Variants in ATP8B2 observed in about 807,000 individuals in gnomAD.
The protein encoded by ATP8B2 is ATPase phospholipid transporting 8B2.
ATP8B2 carries 70 observed loss-of-function variants against 133.4 expected under a neutral mutation model. That is an observed-to-expected ratio of 0.52 (90% CI 0.43 to 0.64). The LOEUF is 0.64. Among genes scored for constraint, ATP8B2 ranks in the 30% least tolerant of loss-of-function variants. The pLI, the probability that ATP8B2 is intolerant of heterozygous loss-of-function variation, is 0.00. For synonymous variants in ATP8B2, 517 were observed against 589.5 expected (o/e 0.88, Z 1.78); for missense variants, 1,101 against 1,535.7 (o/e 0.72, Z 4.73).
At position 154,342,815 on chromosome 1, in the gene ATP8B2, T is replaced by G. The variant is rs1445373663; in HGVS notation, c.1307T>G (p.Phe436Cys). ...TTTCAGAGGCCTGAACCTGTTGACT[T>G]CTCCTTCAATCCTCTGGCTGACAAG... ...ELGERPEPVD[F>C]SFNPLADKKF... The change falls in exon 15 of 28, where the codon TTC becomes TGC. Residue 436 changes from phenylalanine to cysteine, a missense_variant. By Grantham distance (205) the Phe-to-Cys change is radical. Transcript: ENST00000368489. 6.2e-7 allele frequency: 1 copy of G among 1,614,010 alleles called. No individual in the cohort carries two copies. The highest frequency in any genetic ancestry group is 8.5e-7 in the Non-Finnish European group (1 of 1,180,014).
rs376673060 is a variant in ATP8B2 at position 154,340,045 on chromosome 1, T to G, written c.1035-809T>G. Among the ~76,000 whole-genome samples, 13 of 152,032 alleles carry G rather than the reference T, an allele frequency of 8.6e-5. No individual in the cohort carries two copies. The highest frequency in any genetic ancestry group is 3.1e-4 in the African/African-American group (13 of 41,388). On this transcript the variant is annotated intron_variant, in intron 12 of 27. Transcript: ENST00000368489. The surrounding 1 kb of genome is among the most constrained non-coding windows in gnomAD (Gnocchi z 4.0). Reference sequence around the variant, plus strand: ...AAAAATGAAAATTAGCCAGGTGTGGTGGTGTGCACCTGTAGTCCCAGCTAC... The same window carrying G: ...AAAAATGAAAATTAGCCAGGTGTGGGGGTGTGCACCTGTAGTCCCAGCTAC...
At position 154,341,003 on chromosome 1, in the gene ATP8B2, G is replaced by T. The variant is rs773996452; in HGVS notation, c.1184G>T (p.Gly395Val). 1 of 1,614,158 alleles carries T rather than the reference G, an allele frequency of 6.2e-7. No homozygotes were observed. The highest frequency in any genetic ancestry group is 8.5e-7 in the Non-Finnish European group (1 of 1,180,036). The change falls in exon 13 of 28, where the codon GGC becomes GTC. Residue 395 changes from glycine (G) to valine (V), a missense_variant. Coordinates refer to ENST00000368489, the MANE Select transcript of ATP8B2 (RefSeq NM_001370597.1). ...QVEYIFSDKT[G>V]TLTQNIMVFN... ...GAGTACATCTTCTCCGACAAGACGG[G>T]CACCCTCACCCAGAACATCATGGTT...
rs754242543 is a variant in ATP8B2 at position 154,334,064 on chromosome 1, G to A, written c.590-43G>A. The A allele has an allele frequency of 1.6e-5, 25 of 1,606,200 alleles. No individual in the cohort carries two copies. In the South Asian group the frequency reaches 2.1e-4, roughly 13 times the overall value. On this transcript the variant is annotated intron_variant, in intron 9 of 27. Transcript: ENST00000368489. The surrounding 1 kb of genome is among the most constrained non-coding windows in gnomAD (Gnocchi z 4.6). The stretch of plus-strand genomic sequence containing the variant: ...TGTTTTATTGTCTTGTGGTTAGGCT[G>A]TAGACTGGACCTTAAGCAGTGGAAT...
At position 154,343,089 on chromosome 1, in the gene ATP8B2, CGTGTA is replaced by C; in HGVS notation, c.1454-23_1454-19del. The C allele has an allele frequency of 6.2e-7, 1 of 1,606,016 alleles. No individual in the cohort carries two copies. Among genetic ancestry groups the C allele is most frequent in the South Asian group, 1.1e-5 (1 of 89,896 alleles). On this transcript the variant is annotated intron_variant, in intron 15 of 27. Transcript: ENST00000368489. The surrounding 1 kb of genome is among the most constrained non-coding windows in gnomAD (Gnocchi z 5.8). Reference sequence around the variant, plus strand: ...TGGCTGAGGGAAGCCACTTATATCACGTGTATTCTTCCTCCCCACCCAGGAGAGCT... The same window carrying C: ...TGGCTGAGGGAAGCCACTTATATCACTTCTTCCTCCCCACCCAGGAGAGCT...
chr1:154,345,943 C>T lies in ATP8B2; in HGVS notation c.2778+60C>T, dbSNP rs563073371. ...GGAAGGTCACTGCTTGAAGGAGTCA[C>T]ATAGACGTGGTGTGTGACACTTGTG... On this transcript the variant is annotated intron_variant, in intron 24 of 27. Coordinates refer to ENST00000368489, the MANE Select transcript of ATP8B2 (RefSeq NM_001370597.1). This position sits in a 1 kb window ranked among gnomAD's most constrained non-coding sequence, Gnocchi z 5.6. The T allele has an allele frequency of 6.1e-5, 89 of 1,458,816 alleles. No individual in the cohort carries two copies. The African/African-American group carries it at 1.1e-3, about 18-fold the overall frequency. 90.4% of individuals were successfully genotyped at this position (1,458,816 alleles called of 1,614,324 possible). A position where few individuals can be genotyped will look rare whatever the true frequency, so the allele number is the denominator to read the frequency against.
At chr1:154,348,607 G>C (rs904180436) in intron 27 of ATP8B2, 69 bp downstream of exon 27, 1 of 1,578,084 alleles carries the variant, frequency 6.3e-7, no homozygotes, top group African/African-American at 1.3e-5. Flanking sequence ...TGTGAACACT[G>C]GGGGGCTCTG....
At chr1:154,333,738 G>A (rs1239236332) in intron 9 of ATP8B2, among the ~76,000 whole-genome samples, 1 of 148,716 alleles carries the variant, frequency 6.7e-6, no homozygotes, top group Non-Finnish European at 1.5e-5. Flanking sequence ...AGGTTCAAGC[G>A]ATCCTCGTGC....
Position 154,346,402 on chromosome 1 carries a change from G to A in ATP8B2, c.2950G>A (p.Gly984Ser). The change falls in exon 25 of 28, where the codon GGC (glycine) becomes AGC (serine). Residue 984 changes from glycine (G) to serine (S), a missense_variant. Physicochemically the swap from Gly to Ser is moderately conservative, Grantham distance 56 (BLOSUM62 0). Transcript: ENST00000368489. The surrounding 1 kb of genome is among the most constrained non-coding windows in gnomAD (Gnocchi z 4.5). ...GTTTGCTGATGCCACCCGGGATGATGGCACTCAGCTGGCTGACTACCAGTC... is the reference window on the plus strand; with the variant it reads ...GTTTGCTGATGCCACCCGGGATGATAGCACTCAGCTGGCTGACTACCAGTC... The part of the protein sequence containing the change: ...GVFADATRDD[G>S]TQLADYQSFA... 1 of 1,614,156 alleles carries A rather than the reference G, an allele frequency of 6.2e-7. No individual in the cohort carries two copies. The highest frequency in any genetic ancestry group is 8.5e-7 in the Non-Finnish European group (1 of 1,180,030).
At position 154,345,183 on chromosome 1, in the gene ATP8B2, C is replaced by G. The variant is rs774811343; in HGVS notation, c.2470+29C>G. The G allele has an allele frequency of 6.2e-7, 1 of 1,606,428 alleles. No individual in the cohort carries two copies. ...AGTGTGGGCTGTGCAGGTGTGTAGG[C>G]TGGGCTTGAGGCTGGGGAGGGGCCC... On this transcript the variant is annotated intron_variant, in intron 22 of 27. Transcript: ENST00000368489. This position sits in a 1 kb window ranked among gnomAD's most constrained non-coding sequence, Gnocchi z 5.6.
At chr1:154,327,182 A>G (rs998369682) in intron 1 of ATP8B2, among the ~76,000 whole-genome samples, 2 of 152,212 alleles carry the variant, frequency 1.3e-5, no homozygotes, top group African/African-American at 4.8e-5. Flanking sequence ...GGTAGGCTAA[A>G]GGCAGAGGGA....
chr1:154,348,439 G>C lies in ATP8B2; in HGVS notation c.3195G>C (p.Thr1065=). ...GNAQNTLAQP[T]VWLTIVLTTV... ...CCCAGAACACCTTGGCCCAGCCCAC[G>C]GTGTGGCTGACCATTGTGCTCACCA... The change falls in exon 27 of 28, where the codon ACG becomes ACC. Residue 1065 remains threonine, a synonymous_variant. Coordinates refer to ENST00000368489, the MANE Select transcript of ATP8B2 (RefSeq NM_001370597.1). The C allele has an allele frequency of 6.2e-7, 1 of 1,612,994 alleles. No homozygotes were observed. Among genetic ancestry groups the C allele is most frequent in the South Asian group, 1.1e-5 (1 of 91,050 alleles).
In ATP8B2 at chr1:154,340,409, C is replaced by T. The variant is rs910363710; in HGVS notation, c.1035-445C>T. On this transcript the variant is annotated intron_variant, in intron 12 of 27. Transcript: ENST00000368489. This position sits in a 1 kb window ranked among gnomAD's most constrained non-coding sequence, Gnocchi z 4.0. ...TCTCCATTTCCCCTCCCCGGTGCCACCCCTCTTTGAGGTGGCGTCTGTGTT... is the reference window on the plus strand; with the variant it reads ...TCTCCATTTCCCCTCCCCGGTGCCATCCCTCTTTGAGGTGGCGTCTGTGTT... The T allele has an allele frequency of 1.1e-5, 2 of 175,040 alleles. No homozygotes were observed. The highest frequency in any genetic ancestry group is 2.7e-5 in the Non-Finnish European group (2 of 74,200). The allele number at this position is 175,040 out of a possible 1,614,324, so 10.8% of individuals were successfully genotyped here. A position where few individuals can be genotyped will look rare whatever the true frequency, so the allele number is the denominator to read the frequency against.
chr1:154,328,962 T>C lies in ATP8B2; in HGVS notation c.31+790T>C. 7.7e-7 allele frequency: 1 copy of C among 1,303,962 alleles called. No homozygotes were observed. The highest frequency in any genetic ancestry group is 1.2e-5 in the South Asian group (1 of 81,020). 80.8% of individuals were successfully genotyped at this position (1,303,962 alleles called of 1,614,324 possible). A position where few individuals can be genotyped will look rare whatever the true frequency, so the allele number is the denominator to read the frequency against. ...TAAGGCCAAGGACATATAGACGGTC[T>C]GCCCTCCCCCACTCAAACCGGGATC... On this transcript the variant is annotated intron_variant, in intron 2 of 27. Transcript: ENST00000368489. The surrounding 1 kb of genome is among the most constrained non-coding windows in gnomAD (Gnocchi z 4.6).
intron 9 of ATP8B2, 109 bp from the exon 10 acceptor site, chr1:154,333,998 C>T (rs983161157): frequency 2.0e-5 from 26 of 1,329,342 alleles, no homozygotes; most frequent in African/African-American, 2.9e-5. Context: ...TATGGATGGG[C>T]CCTTGCCCTT....
chr1:154,333,037 C>T (rs1231924455), intron 9 of ATP8B2, among the ~76,000 whole-genome samples: 1 of 152,152 alleles, frequency 6.6e-6, no homozygotes, highest in East Asian at 1.9e-4. Flanking sequence ...GAGGTCGGTA[C>T]CATGGCTCAC....
rs144202683 is a variant in ATP8B2, at chr1:154,343,895, G to T, written c.1761G>T (p.Glu587Asp). 3.5e-4 allele frequency: 567 copies of T among 1,607,760 alleles called. 3 individuals are homozygous for T. In the African/African-American group the frequency reaches 6.9e-3, roughly 20 times the overall value. ...LLNTTMDHLN[E>D]YAGEGLRTLV... ...GTGCCTTTCCACTCTGCCTCCAGGA[G>T]TACGCAGGGGAAGGGCTGAGGACCC... The change falls in exon 18 of 28, where the codon GAG becomes GAT. Residue 587 changes from glutamate to aspartate, a missense_variant and splice_region_variant. Coordinates refer to ENST00000368489, the MANE Select transcript of ATP8B2 (RefSeq NM_001370597.1). This position sits in a 1 kb window ranked among gnomAD's most constrained non-coding sequence, Gnocchi z 5.8.
rs1686124059 is a variant in ATP8B2 at position 154,334,919 on chromosome 1, A to C, written c.837+328A>C. Among the ~76,000 whole-genome samples, 1 of 152,054 alleles carries C rather than the reference A, an allele frequency of 6.6e-6. No individual in the cohort carries two copies. Among genetic ancestry groups the C allele is most frequent in the African/African-American group, 2.4e-5 (1 of 41,394 alleles). On this transcript the variant is annotated intron_variant, in intron 11 of 27. Coordinates refer to ENST00000368489, the MANE Select transcript of ATP8B2 (RefSeq NM_001370597.1). The surrounding 1 kb of genome is among the most constrained non-coding windows in gnomAD (Gnocchi z 4.6). ...CAAGGAGGCCTTCATGGGGATGGAG[A>C]GGGAATTAAAAGAAAAATTTCCATT...
chr1:154,330,573 C>A, intron 3 of ATP8B2, 119 bp downstream of exon 3: 1 of 1,033,140 alleles, frequency 9.7e-7, no homozygotes, highest in African/African-American at 1.6e-5. Flanking sequence ...GGGGAAGCAA[C>A]CTCCTCAGCC....
chr1:154,331,772 C>T lies in ATP8B2; in HGVS notation c.438+94C>T. On this transcript the variant is annotated intron_variant, in intron 7 of 27. Transcript: ENST00000368489. The surrounding 1 kb of genome is among the most constrained non-coding windows in gnomAD (Gnocchi z 4.8). ...TCCTGATTTACTGTTGCCTCTTAAA[C>T]ACCCGTGGCAGGAATCTTTCTCACA... 7 of 1,421,862 alleles carry T rather than the reference C, an allele frequency of 4.9e-6. No homozygotes were observed. The highest frequency in any genetic ancestry group is 7.0e-6 in the Non-Finnish European group (7 of 1,006,806). The allele number at this position is 1,421,862 out of a possible 1,614,324, so 88.1% of individuals were successfully genotyped here.
Sources: allele counts gnomAD v4.1 joint callset (sites outside exome capture counted in the v4.1 genomes callset), GRCh38; gene constraint gnomAD v4.1.1; non-coding constraint Gnocchi (gnomAD v3.1); transcripts MANE v1.5; gene names NCBI Gene and HGNC (gene_info 2026-07-23, HGNC 2026-07-21).